The following KCNMA1 variants were observed in gnomAD, a reference collection of about 807,000 sequenced individuals.
The protein encoded by KCNMA1 is potassium calcium-activated channel subfamily M alpha 1.
In KCNMA1, 29 loss-of-function variants were observed where a neutral mutation model predicts 140.0. The observed-to-expected ratio is 0.21, with a 90% CI of 0.15 to 0.28. KCNMA1 has a LOEUF of 0.28. Ranked by LOEUF, KCNMA1 falls within the 10% of genes least tolerant of loss-of-function variation. KCNMA1 has a pLI of 1.00. For synonymous variants in KCNMA1, 612 were observed against 611.9 expected, an observed-to-expected ratio of 1.00 and a Z score of 0.00; for missense variants, 880 against 1,602.2, an observed-to-expected ratio of 0.55 and a Z score of 7.70.
intron 2 of KCNMA1, among the ~76,000 whole-genome samples, chr10:77,394,182 T>G (rs2095948423): frequency 1.3e-5 from 2 of 152,144 alleles, no homozygotes. Flanking sequence ...GAGCCAGAGA[T>G]GAGTGGCCAG....
chr10:76,968,928 T>G (rs747988396), intron 20 of KCNMA1, among the ~76,000 whole-genome samples: 11 of 152,006 alleles, frequency 7.2e-5, no homozygotes, highest in Admixed American at 4.6e-4. Context: ...GGAGTGGAAA[T>G]CACCACTATT....
intron 3 of KCNMA1, among the ~76,000 whole-genome samples, chr10:77,242,738 A>G (rs964173004): frequency 3.9e-5 from 6 of 152,106 alleles, no homozygotes; most frequent in Non-Finnish European, 7.4e-5. Context: ...CCTTATACAC[A>G]GTTTGTACTC....
chr10:77,461,672 C>T lies in KCNMA1; in HGVS notation c.379-57649G>A, dbSNP rs368320405. Among the ~76,000 whole-genome samples the T allele has an allele frequency of 1.8e-4, 28 of 152,298 alleles. No individual in the cohort carries two copies. In the South Asian group the frequency reaches 5.4e-3, roughly 29 times the overall value. ...AGCACCCCTCCAGGCAGAACACTTA[C>T]GGGGCTTGTTGCCCCAACTAGACAG... is the stretch of plus-strand genomic sequence containing the variant. On this transcript the variant is annotated intron_variant, in intron 1 of 27. Transcript: ENST00000286628.
chr10:77,412,480 G>A (rs911066380), intron 1 of KCNMA1, among the ~76,000 whole-genome samples: 2 of 152,296 alleles, frequency 1.3e-5, no homozygotes, highest in Admixed American at 1.3e-4. Context: ...CCTACCAAAG[G>A]GTGGGGGCAG....
chr10:77,524,012 T>C (rs1263179319), intron 1 of KCNMA1, among the ~76,000 whole-genome samples: 1 of 152,246 alleles, frequency 6.6e-6, no homozygotes, highest in Non-Finnish European at 1.5e-5. Context: ...CTCCATGATG[T>C]GCTTATTTCA....
chr10:77,027,640 T>C (rs1054609975), intron 16 of KCNMA1, among the ~76,000 whole-genome samples, 183 bp downstream of exon 16: 2 of 152,214 alleles, frequency 1.3e-5, no homozygotes, highest in African/African-American at 4.8e-5. Context: ...CAGGCTGGTC[T>C]GGCATAGAAG....
At chr10:77,295,485 A>T (rs1219252100) in intron 2 of KCNMA1, among the ~76,000 whole-genome samples, 1 of 151,752 alleles carries the variant, frequency 6.6e-6, no homozygotes, top group African/African-American at 2.4e-5. Context: ...AGAGATTGTT[A>T]ATAAACAGTT....
At chr10:76,915,792 T>A (rs894365405) in intron 23 of KCNMA1, among the ~76,000 whole-genome samples, 1 of 152,144 alleles carries the variant, frequency 6.6e-6, no homozygotes, top group Admixed American at 6.5e-5. Context: ...AAGTGTTTCC[T>A]TGCTCTTAAA....
At chr10:77,098,830 C>A (rs1006055663) in intron 9 of KCNMA1, among the ~76,000 whole-genome samples, 1 of 152,008 alleles carries the variant, frequency 6.6e-6, no homozygotes, top group African/African-American at 2.4e-5. Flanking sequence ...AGTTGCTGAA[C>A]CCTCACAAAC....
chr10:77,245,872 T>C (rs2058436032), intron 3 of KCNMA1, among the ~76,000 whole-genome samples: 1 of 152,086 alleles, frequency 6.6e-6, no homozygotes. Context: ...CATTGCAAAA[T>C]GCTGCCACTC....
intron 3 of KCNMA1, among the ~76,000 whole-genome samples, chr10:77,239,499 G>A (rs534989691): frequency 6.3e-4 from 96 of 152,296 alleles, no homozygotes; most frequent in African/African-American, 2.3e-3. Flanking sequence ...CTGCATTCTA[G>A]TAGATTCCAC....
At chr10:77,022,461 C>T (rs552925065) in intron 16 of KCNMA1, among the ~76,000 whole-genome samples, 5 of 152,200 alleles carry the variant, frequency 3.3e-5, no homozygotes, top group African/African-American at 4.8e-5. Flanking sequence ...GCTGGAAGCA[C>T]GGGGCTGGTG....
chr10:77,557,895 C>T (rs906882328), intron 1 of KCNMA1, among the ~76,000 whole-genome samples: 6 of 152,018 alleles, frequency 3.9e-5, no homozygotes, highest in African/African-American at 1.5e-4. Context: ...GGTGATCTGC[C>T]GGCCTCGGGC....
intron 9 of KCNMA1, among the ~76,000 whole-genome samples, chr10:77,092,513 G>A (rs867945145): frequency 2.6e-5 from 4 of 152,148 alleles, no homozygotes; most frequent in South Asian, 4.1e-4. Flanking sequence ...AATCCAATGC[G>A]TGGGTATCTC....
At chr10:77,245,305 C>A (rs2058309269) in intron 3 of KCNMA1, among the ~76,000 whole-genome samples, 1 of 152,148 alleles carries the variant, frequency 6.6e-6, no homozygotes, top group African/African-American at 2.4e-5. Context: ...CATCATGCTG[C>A]AGGATGGGGT....
intron 19 of KCNMA1, chr10:76,977,652 C>T: frequency 1.4e-6 from 1 of 702,848 alleles, no homozygotes; most frequent in South Asian, 1.5e-5. Flanking sequence ...CCAAGACAGC[C>T]AAATAACAAA....
intron 3 of KCNMA1, among the ~76,000 whole-genome samples, chr10:77,206,122 C>T (rs1484132380): frequency 6.6e-6 from 1 of 152,134 alleles, no homozygotes; most frequent in Non-Finnish European, 1.5e-5. Flanking sequence ...GGCGAGAGAA[C>T]ATTTGTTTAA....
At chr10:77,045,340 C>G (rs1289954773) in intron 14 of KCNMA1, among the ~76,000 whole-genome samples, 1 of 152,214 alleles carries the variant, frequency 6.6e-6, no homozygotes, top group African/African-American at 2.4e-5. Flanking sequence ...TTGGCTGTCA[C>G]ATCAAACCCC....
At chr10:77,556,526 A>G (rs905811457) in intron 1 of KCNMA1, among the ~76,000 whole-genome samples, 5 of 150,110 alleles carry the variant, frequency 3.3e-5, no homozygotes, top group Non-Finnish European at 7.4e-5. Context: ...AAAAAAAAAA[A>G]GGGAATTCTA....
Sources: gnomAD v4.1 joint callset for allele counts (sites outside exome capture counted in the v4.1 genomes callset) on GRCh38, gnomAD v4.1.1 for gene constraint, MANE v1.5 for transcripts, NCBI Gene and HGNC (gene_info 2026-07-23, HGNC 2026-07-21) for gene names.